CACNA1E: variants seen among roughly 807,000 people sequenced by gnomAD.
CACNA1E encodes voltage-dependent R-type calcium channel subunit alpha-1E.
CACNA1E carries 40 observed loss-of-function variants against 259.2 expected under a neutral mutation model. The ratio of observed to expected loss-of-function variants is 0.15; its 90% confidence interval spans 0.12 to 0.20. CACNA1E has a LOEUF of 0.20. Among genes scored for constraint, CACNA1E ranks in the 10% least tolerant of loss-of-function variants. The pLI is 1.00. For synonymous variants in CACNA1E, 1,104 were observed against 1,138.5 expected (o/e 0.97, Z 0.61); for missense variants, 1,874 against 3,040.1 (o/e 0.62, Z 9.02).
chr1:181,394,980 G>A (rs904217474), intron 1 of CACNA1E, among the ~76,000 whole-genome samples: 2 of 152,108 alleles, frequency 1.3e-5, no homozygotes, highest in Non-Finnish European at 2.9e-5. Flanking sequence ...TGAAGGGAGG[G>A]TACATTGCAG....
chr1:181,424,369 C>G (rs1464361677), intron 2 of CACNA1E, among the ~76,000 whole-genome samples: 1 of 152,184 alleles, frequency 6.6e-6, no homozygotes, highest in Non-Finnish European at 1.5e-5. Context: ...CCTGTCCTCC[C>G]GGGATTAGAA....
intron 8 of CACNA1E, among the ~76,000 whole-genome samples, chr1:181,711,368 G>T (rs571289323): frequency 6.6e-6 from 1 of 152,102 alleles, no homozygotes; most frequent in Non-Finnish European, 1.5e-5. Flanking sequence ...TTGTAATACC[G>T]TTCCTGGTGC....
At chr1:181,752,609 C>T (rs1657692604) in intron 27 of CACNA1E, among the ~76,000 whole-genome samples, 1 of 152,172 alleles carries the variant, frequency 6.6e-6, no homozygotes, top group Non-Finnish European at 1.5e-5. Context: ...TTCTGGTCTG[C>T]ATATTTTTTA....
At chr1:181,784,614 G>A (rs1378397129) in intron 40 of CACNA1E, 47 bp from the exon 41 acceptor site, 1 of 1,325,552 alleles carries the variant, frequency 7.5e-7, no homozygotes, top group Non-Finnish European at 1.1e-6. Context: ...CTCAGTCCTG[G>A]TTATTTCTGG....
At chr1:181,383,609 A>C (rs1406852950) in intron 1 of CACNA1E, among the ~76,000 whole-genome samples, 1 of 152,242 alleles carries the variant, frequency 6.6e-6, no homozygotes, top group Non-Finnish European at 1.5e-5. Flanking sequence ...CTCTCCTTTT[A>C]GGATCATCAA....
In CACNA1E at chr1:181,681,667, TG is replaced by T. The variant is rs1255275265; in HGVS notation, c.1056-29282del. Among the ~76,000 whole-genome samples, 9 of 152,250 alleles carry T rather than the reference TG, an allele frequency of 5.9e-5. No homozygotes were observed. In the East Asian group the frequency reaches 1.7e-3, roughly 29 times the overall value. The stretch of plus-strand genomic sequence containing the variant: ...AATGAAGTAAATCACATCAAGTCAT[TG>T]GGGGAATGGGGTTGTATTTGAACAG... On this transcript the variant is annotated intron_variant, in intron 7 of 47. Transcript: ENST00000367573.
intron 25 of CACNA1E, among the ~76,000 whole-genome samples, chr1:181,748,209 G>A (rs1558341025): frequency 6.6e-6 from 1 of 151,954 alleles, no homozygotes; most frequent in African/African-American, 2.4e-5. Context: ...GTGACAAATA[G>A]CCCCCCCAGT....
chr1:181,706,798 C>T (rs1170693419), intron 7 of CACNA1E, among the ~76,000 whole-genome samples: 1 of 152,204 alleles, frequency 6.6e-6, no homozygotes, highest in Admixed American at 6.5e-5. Flanking sequence ...TTGTCTCTGC[C>T]TCTTGCTAAT....
Position 181,715,751 on chromosome 1 carries a change from A to T in CACNA1E, c.1226-289A>T, listed in dbSNP as rs2272694. On this transcript the variant is annotated intron_variant, in intron 9 of 47. Coordinates refer to ENST00000367573, the MANE Select transcript of CACNA1E (RefSeq NM_001205293.3). ...TACCAGGAAGTGGCATTGTAGATGA[A>T]GAGCCAGGACAGATGGATACGGAGT... Among the ~76,000 whole-genome samples, 71,452 of 152,064 alleles carry T rather than the reference A, an allele frequency of 0.47. 19,037 individuals are homozygous for T. The highest frequency in any genetic ancestry group is 0.75 in the East Asian group (3,861 of 5,162).
intron 32 of CACNA1E, among the ~76,000 whole-genome samples, chr1:181,759,857 G>C (rs754776344): frequency 3.9e-5 from 6 of 152,216 alleles, no homozygotes; most frequent in Non-Finnish European, 8.8e-5. Flanking sequence ...TGTGAGTGTT[G>C]ATTACGGGGG....
intron 1 of CACNA1E, among the ~76,000 whole-genome samples, chr1:181,412,915 C>T (rs755541976): frequency 8.5e-5 from 13 of 152,246 alleles, no homozygotes; most frequent in Non-Finnish European, 1.6e-4. Context: ...TGGTCCGCCG[C>T]GGATGCTCCT....
At chr1:181,638,725 G>A (rs1657464965) in intron 6 of CACNA1E, among the ~76,000 whole-genome samples, 1 of 152,226 alleles carries the variant, frequency 6.6e-6, no homozygotes, top group Admixed American at 6.5e-5. Context: ...CATGGGGGCA[G>A]TTTCCCCCAT....
At chr1:181,652,740 G>A (rs1414392284) in intron 7 of CACNA1E, among the ~76,000 whole-genome samples, 2 of 152,098 alleles carry the variant, frequency 1.3e-5, no homozygotes, top group Non-Finnish European at 2.9e-5. Context: ...TAACCTCCAG[G>A]CAATGCTGAC....
intron 37 of CACNA1E, among the ~76,000 whole-genome samples, chr1:181,774,389 C>T (rs1344146927): frequency 1.3e-5 from 2 of 152,220 alleles, no homozygotes; most frequent in African/African-American, 4.8e-5. Context: ...GAAAGACAGG[C>T]CCATGTTGGG....
At chr1:181,670,518 C>A (rs1296644433) in intron 7 of CACNA1E, among the ~76,000 whole-genome samples, 1 of 152,158 alleles carries the variant, frequency 6.6e-6, no homozygotes, top group Non-Finnish European at 1.5e-5. Context: ...ATGCCGTGTT[C>A]CACAGAGAAC....
intron 6 of CACNA1E, among the ~76,000 whole-genome samples, chr1:181,592,793 ATG>A (rs983347954): frequency 1.3e-5 from 2 of 152,236 alleles, no homozygotes; most frequent in African/African-American, 4.8e-5. Context: ...TCTCCCATGC[ATG>A]CACACACACA....
chr1:181,780,368 A>C (rs1660319345), intron 38 of CACNA1E, among the ~76,000 whole-genome samples: 1 of 152,138 alleles, frequency 6.6e-6, no homozygotes, highest in South Asian at 2.1e-4. Flanking sequence ...ATACCCAGGG[A>C]ATTCTCTATA....
chr1:181,344,523 C>A (rs1038360249), intron 1 of CACNA1E, among the ~76,000 whole-genome samples: 1 of 152,166 alleles, frequency 6.6e-6, no homozygotes, highest in Non-Finnish European at 1.5e-5. Flanking sequence ...GAAAGAGAAA[C>A]AACACTCAGC....
chr1:181,511,735 T>C (rs1558072450), intron 3 of CACNA1E, among the ~76,000 whole-genome samples: 1 of 152,132 alleles, frequency 6.6e-6, no homozygotes, highest in Non-Finnish European at 1.5e-5. Context: ...GCAGAGGCCA[T>C]GGGACTCTCA....
Sources: allele counts gnomAD v4.1 joint callset (sites outside exome capture counted in the v4.1 genomes callset), GRCh38; gene constraint gnomAD v4.1.1; transcripts MANE v1.5; gene names NCBI Gene and HGNC (gene_info 2026-07-23, HGNC 2026-07-21).